The following ADAM17 variants were observed in gnomAD, a reference collection of about 807,000 sequenced individuals.
ADAM17 encodes the protein disintegrin and metalloproteinase domain-containing protein 17.
A neutral mutation model predicts 96.7 loss-of-function variants in ADAM17; 39 were observed. The observed-to-expected ratio is 0.40, with a 90% CI of 0.31 to 0.53. The LOEUF is 0.53. Among genes scored for constraint, ADAM17 ranks in the 20% least tolerant of loss-of-function variants. The pLI is 0.44. For synonymous variants in ADAM17, 344 were observed against 359.2 expected, an observed-to-expected ratio of 0.96 and a Z score of 0.48; for missense variants, 777 against 1,013.2, an observed-to-expected ratio of 0.77 and a Z score of 3.17.
At chr2:9,495,946 C>T (rs1276229133) in intron 14 of ADAM17, among the ~76,000 whole-genome samples, 3 of 151,066 alleles carry the variant, frequency 2.0e-5, no homozygotes, top group Non-Finnish European at 4.4e-5. Context: ...GTGATCCACC[C>T]ACCTTGGCCT....
intron 1 of ADAM17, among the ~76,000 whole-genome samples, chr2:9,551,260 G>T (rs1204106651): frequency 6.6e-6 from 1 of 151,834 alleles, no homozygotes; most frequent in African/African-American, 2.4e-5. Flanking sequence ...AAGGAAGGGG[G>T]GGAACGGAGA....
At chr2:9,543,446 C>T (rs1162762268) in intron 1 of ADAM17, among the ~76,000 whole-genome samples, 161 bp from the exon 2 acceptor site, 3 of 152,214 alleles carry the variant, frequency 2.0e-5, no homozygotes, top group African/African-American at 7.2e-5. Context: ...ACTCCACTGC[C>T]TCTTCCAAAA....
intron 2 of ADAM17, among the ~76,000 whole-genome samples, chr2:9,538,464 C>T (rs767005628): frequency 6.6e-6 from 1 of 152,198 alleles, no homozygotes; most frequent in Non-Finnish European, 1.5e-5. Flanking sequence ...ATCCTTGGAA[C>T]ATTTTCTTCT....
chr2:9,537,040 T>C (rs1162614485), intron 2 of ADAM17, among the ~76,000 whole-genome samples: 4 of 152,152 alleles, frequency 2.6e-5, no homozygotes, highest in Non-Finnish European at 5.9e-5. Flanking sequence ...CAGATCACAA[T>C]AAACTCACAC....
chr2:9,528,609 T>G (rs1664621057), intron 4 of ADAM17, among the ~76,000 whole-genome samples: 1 of 152,220 alleles, frequency 6.6e-6, no homozygotes, highest in Non-Finnish European at 1.5e-5. Flanking sequence ...GGCTGTTTGT[T>G]TGTTTTGTTT....
chr2:9,513,943 G>A (rs1375327609), intron 10 of ADAM17, among the ~76,000 whole-genome samples: 2 of 150,688 alleles, frequency 1.3e-5, no homozygotes, highest in Admixed American at 1.3e-4. Flanking sequence ...TCCGGGAGGC[G>A]GAGGTTGCAG....
At chr2:9,498,222 G>A (rs999696113) in intron 13 of ADAM17, among the ~76,000 whole-genome samples, 20 of 152,040 alleles carry the variant, frequency 1.3e-4, no homozygotes, top group African/African-American at 4.1e-4. Flanking sequence ...TTTGAGAGAC[G>A]AGATCTCCCT....
At chr2:9,498,862 G>A (rs1662807780) in intron 13 of ADAM17, among the ~76,000 whole-genome samples, 1 of 152,154 alleles carries the variant, frequency 6.6e-6, no homozygotes, top group African/African-American at 2.4e-5. Context: ...AAAGACTAAA[G>A]TCAGAGTATT....
At chr2:9,516,762 A>T (rs1664079746) in intron 10 of ADAM17, among the ~76,000 whole-genome samples, 2 of 151,934 alleles carry the variant, frequency 1.3e-5, no homozygotes. Flanking sequence ...CAAAAAAAAT[A>T]AAAATTAAAT....
intron 3 of ADAM17, among the ~76,000 whole-genome samples, chr2:9,536,138 A>C (rs926990491): frequency 1.3e-5 from 2 of 152,154 alleles, no homozygotes; most frequent in Non-Finnish European, 2.9e-5. Context: ...TCCCTTTCCC[A>C]AAACAAACAA....
intron 4 of ADAM17, among the ~76,000 whole-genome samples, chr2:9,535,374 C>T (rs1436089573): frequency 6.6e-6 from 1 of 152,228 alleles, no homozygotes; most frequent in Non-Finnish European, 1.5e-5. Flanking sequence ...TCTATTGCTA[C>T]TCTTTCAATG....
chr2:9,537,972 AAGGGGAAGGG>A (rs1264480054), intron 2 of ADAM17, among the ~76,000 whole-genome samples: 1 of 12,586 alleles, frequency 7.9e-5, no homozygotes, highest in Non-Finnish European at 1.4e-4. Context: ...AGGGGAAGGG[AAGGGGAAGGG>A]AGGGGAAGGG....
At chr2:9,495,743 C>T (rs1006503938) in intron 14 of ADAM17, among the ~76,000 whole-genome samples, 18 of 151,466 alleles carry the variant, frequency 1.2e-4, no homozygotes, top group African/African-American at 4.1e-4. Context: ...TTTCATCATT[C>T]ACTAATTTAT....
At chr2:9,537,929 AGGGGGAGGAGAG>A (rs1665040261) in intron 2 of ADAM17, among the ~76,000 whole-genome samples, 2 of 15,896 alleles carry the variant, frequency 1.3e-4, no homozygotes, top group African/African-American at 5.3e-4. Context: ...AGGGGAGGAG[AGGGGGAGGAGAG>A]GGGAAGGGGA....
intron 4 of ADAM17, among the ~76,000 whole-genome samples, 163 bp from the exon 5 acceptor site, chr2:9,528,117 T>C (rs111228238): frequency 1.3e-5 from 2 of 152,340 alleles, no homozygotes; most frequent in Admixed American, 6.5e-5. Context: ...TTTAATCATA[T>C]GGAGTTTCTA....
chr2:9,520,964 C>CAAAAAAAAAAAAA lies in ADAM17; in HGVS notation c.957+226_957+238dup, dbSNP rs55909096. Among the ~76,000 whole-genome samples the CAAAAAAAAAAAAA allele has an allele frequency of 2.0e-3, 53 of 26,286 alleles. 4 individuals are homozygous for CAAAAAAAAAAAAA. Among genetic ancestry groups the CAAAAAAAAAAAAA allele is most frequent in the Non-Finnish European group, 2.8e-3 (32 of 11,374 alleles). 17.2% of individuals were successfully genotyped at this position (26,286 alleles called of 152,430 possible). On this transcript the variant is annotated intron_variant, in intron 8 of 18. Coordinates refer to ENST00000310823, the MANE Select transcript of ADAM17 (RefSeq NM_003183.6). ...GGGCAACAAGAGTGAAACTCTGTCTCAAAAAAAAAAAAAAAAAAAAAAGGA... is the reference window on the plus strand; with the variant it reads ...GGGCAACAAGAGTGAAACTCTGTCTCAAAAAAAAAAAAAAAAAAAAAAAAAAAAAAAAAAAGGA...
chr2:9,549,441 T>C (rs1665515515), intron 1 of ADAM17, among the ~76,000 whole-genome samples: 1 of 152,208 alleles, frequency 6.6e-6, no homozygotes, highest in Non-Finnish European at 1.5e-5. Context: ...CACATAAGTA[T>C]AGTGGTATGT....
Position 9,521,291 on chromosome 2 carries a change from T to C in ADAM17, c.869A>G (p.Glu290Gly). 6.2e-7 allele frequency: 1 copy of C among 1,609,984 alleles called. No homozygotes were observed. The highest frequency in any genetic ancestry group is 1.7e-4 in the Middle Eastern group (1 of 6,048). The change falls in exon 8 of 19, where the codon GAG (glutamate) becomes GGG (glycine). Residue 290 changes from glutamate (E) to glycine (G), a missense_variant. Transcript: ENST00000310823. ...GTAGTGCTTTTCACCAGGTTTTACC[T>C]CTTGTGGAGACTTGAGAATGCGAAT... ...EQIRILKSPQ[E>G]VKPGEKHYNM...
At chr2:9,507,947 A>C (rs1329704674) in intron 11 of ADAM17, among the ~76,000 whole-genome samples, 1 of 152,176 alleles carries the variant, frequency 6.6e-6, no homozygotes, top group Non-Finnish European at 1.5e-5. Context: ...CCTAGGCTCA[A>C]GTGATCTGCC....
Sources: gnomAD v4.1 joint callset for allele counts (sites outside exome capture counted in the v4.1 genomes callset) on GRCh38, gnomAD v4.1.1 for gene constraint, MANE v1.5 for transcripts, NCBI Gene and HGNC (gene_info 2026-07-23, HGNC 2026-07-21) for gene names.